Variants in OXR1 observed in about 807,000 individuals in gnomAD.
OXR1 encodes oxidation resistance 1.
OXR1 carries 41 observed loss-of-function variants against 104.6 expected under a neutral mutation model. That is an observed-to-expected ratio of 0.39 (90% CI 0.31 to 0.51). The LOEUF is 0.51. Ranked by LOEUF, OXR1 falls within the 20% of genes least tolerant of loss-of-function variation. The pLI, the probability that OXR1 is intolerant of heterozygous loss-of-function variation, is 0.77. For synonymous variants in OXR1, 348 were observed against 348.4 expected, an observed-to-expected ratio of 1.00 and a Z score of 0.01; for missense variants, 955 against 1,031.9, an observed-to-expected ratio of 0.93 and a Z score of 1.02.
At chr8:106,603,652 G>T (rs1820136915) in intron 3 of OXR1, among the ~76,000 whole-genome samples, 1 of 152,058 alleles carries the variant, frequency 6.6e-6, no homozygotes, top group Non-Finnish European at 1.5e-5. Flanking sequence ...CTTTTAATAT[G>T]GAACGTGTAA....
intron 2 of OXR1, among the ~76,000 whole-genome samples, chr8:106,396,443 A>C (rs1179986630): frequency 6.6e-6 from 1 of 152,050 alleles, no homozygotes; most frequent in East Asian, 1.9e-4. Flanking sequence ...GTCCTAGTCT[A>C]ATTATGAGAA....
intron 6 of OXR1, among the ~76,000 whole-genome samples, chr8:106,692,255 G>C (rs1401646950): frequency 6.6e-6 from 1 of 151,978 alleles, no homozygotes; most frequent in Admixed American, 6.6e-5. Flanking sequence ...GGCTATTCCA[G>C]TGAATGGGTT....
chr8:106,343,366 G>A (rs73701146), intron 1 of OXR1, among the ~76,000 whole-genome samples: 4,826 of 152,280 alleles, frequency 0.032, 94 homozygotes, highest in South Asian at 0.11. Flanking sequence ...TGGAACTAAT[G>A]GCAACTGAAT....
chr8:106,341,387 C>CTATATATATATATATATATA, intron 1 of OXR1, among the ~76,000 whole-genome samples: 1 of 101,832 alleles, frequency 9.8e-6, no homozygotes, highest in African/African-American at 5.8e-5. Context: ...ATTAGTCAAT[C>CTATATATATATATATATATA]TACATATATA....
At chr8:106,404,441 T>C (rs1818131154) in intron 2 of OXR1, among the ~76,000 whole-genome samples, 1 of 152,208 alleles carries the variant, frequency 6.6e-6, no homozygotes. Flanking sequence ...TGTGTTATAA[T>C]TCAGCCAGCT....
intron 3 of OXR1, among the ~76,000 whole-genome samples, chr8:106,562,303 G>T (rs1159448311): frequency 6.6e-6 from 1 of 151,896 alleles, no homozygotes; most frequent in Non-Finnish European, 1.5e-5. Context: ...CTGAAAAACA[G>T]CACAAGAACT....
intron 2 of OXR1, among the ~76,000 whole-genome samples, chr8:106,493,183 G>A (rs927535541): frequency 1.8e-4 from 27 of 152,278 alleles, no homozygotes; most frequent in African/African-American, 6.5e-4. Flanking sequence ...AAGCAATGTT[G>A]CAACTATATT....
chr8:106,301,468 T>G (rs936116669), intron 1 of OXR1, among the ~76,000 whole-genome samples: 2 of 152,212 alleles, frequency 1.3e-5, no homozygotes, highest in African/African-American at 4.8e-5. Flanking sequence ...TCAGTCAGGT[T>G]TTGAACTTCA....
At chr8:106,275,821 A>G (rs1812015296) in intron 1 of OXR1, among the ~76,000 whole-genome samples, 1 of 152,222 alleles carries the variant, frequency 6.6e-6, no homozygotes, top group Non-Finnish European at 1.5e-5. Context: ...AGATTTTGAA[A>G]TTTATGCTGT....
chr8:106,328,205 T>C lies in OXR1; in HGVS notation c.-138-31271T>C, dbSNP rs115048061. Among the ~76,000 whole-genome samples, 502 of 152,308 alleles carry C rather than the reference T, an allele frequency of 3.3e-3. 3 individuals are homozygous for C. The highest frequency in any genetic ancestry group is 0.012 in the African/African-American group (484 of 41,564). On this transcript the variant is annotated intron_variant, in intron 1 of 16. Transcript: ENST00000517566. ...TATTATTTGGCCACAAGGGCTATAT[T>C]TGGCCATTCTTAGCCATGAGAACAC... is the stretch of plus-strand genomic sequence containing the variant.
intron 9 of OXR1, chr8:106,707,482 T>C (rs1015563953): frequency 2.2e-6 from 1 of 456,764 alleles, no homozygotes; most frequent in Non-Finnish European, 3.8e-6. Context: ...TTAAAAAGTT[T>C]TTGGTGTGTT....
chr8:106,367,846 C>T lies in OXR1; in HGVS notation c.23+8210C>T, dbSNP rs1240632624. Among the ~76,000 whole-genome samples the T allele has an allele frequency of 2.0e-5, 3 of 151,722 alleles. No individual in the cohort carries two copies. In the East Asian group the frequency reaches 5.8e-4, roughly 29 times the overall value. ...GAACTATACAACTTTTAGAGGAAAACCATTTCAGGCAGAGAAACAGAAAGG... is the reference window on the plus strand; with the variant it reads ...GAACTATACAACTTTTAGAGGAAAATCATTTCAGGCAGAGAAACAGAAAGG... On this transcript the variant is annotated intron_variant, in intron 2 of 16. Transcript: ENST00000517566.
At chr8:106,718,631 A>T (rs1832504096) in intron 11 of OXR1, among the ~76,000 whole-genome samples, 2 of 152,012 alleles carry the variant, frequency 1.3e-5, no homozygotes, top group South Asian at 4.2e-4. Context: ...CGAGGTCAGG[A>T]GATCGAGACC....
chr8:106,736,204 G>A (rs1354192619), intron 11 of OXR1, among the ~76,000 whole-genome samples: 1 of 143,708 alleles, frequency 7.0e-6, no homozygotes, highest in Non-Finnish European at 1.5e-5. Context: ...GAGAATAACA[G>A]CTTCTGGTTT....
rs904934017 is a variant in OXR1 at position 106,692,774 on chromosome 8, C to G, written c.572C>G (p.Thr191Ser). 6.3e-7 allele frequency: 1 copy of G among 1,587,270 alleles called. No homozygotes were observed. The change falls in exon 7 of 17, where the codon ACT becomes AGT. Residue 191 changes from threonine to serine, a missense_variant. Around this residue, in one of 2 missense-constraint regions of OXR1, gnomAD observed 849 missense variants for 852.9 expected, o/e 1.00. Transcript: ENST00000517566. ...PTEATPSSTF[T>S]GIRPARVVSS... ...GAAGCAACTCCCTCATCTACTTTCA[C>G]TGGTATTCGACCTGCACGAGTTGTA... is the stretch of plus-strand genomic sequence containing the variant.
intron 3 of OXR1, among the ~76,000 whole-genome samples, chr8:106,592,839 C>T (rs1263112929): frequency 6.6e-6 from 1 of 152,144 alleles, no homozygotes; most frequent in African/African-American, 2.4e-5. Flanking sequence ...AAGGAGCTCA[C>T]TCTGGATGTT....
At chr8:106,665,290 G>A (rs1826168812) in intron 3 of OXR1, among the ~76,000 whole-genome samples, 1 of 152,078 alleles carries the variant, frequency 6.6e-6, no homozygotes, top group African/African-American at 2.4e-5. Flanking sequence ...TTTGGATGTG[G>A]GAGGGAACTG....
At chr8:106,479,836 AC>A (rs1484048446) in intron 2 of OXR1, among the ~76,000 whole-genome samples, 1 of 151,990 alleles carries the variant, frequency 6.6e-6, no homozygotes, top group East Asian at 1.9e-4. Context: ...AAAGATTTGG[AC>A]TTTATAATTT....
chr8:106,316,440 T>C (rs1813941948), intron 1 of OXR1, among the ~76,000 whole-genome samples: 1 of 152,130 alleles, frequency 6.6e-6, no homozygotes, highest in Non-Finnish European at 1.5e-5. Flanking sequence ...TCCTACCTCA[T>C]TACATTTTGC....
Sources: gnomAD v4.1 joint callset for allele counts (sites outside exome capture counted in the v4.1 genomes callset) on GRCh38, gnomAD v4.1.1 for gene constraint, gnomAD v4.1.1 regional missense constraint, MANE v1.5 for transcripts, NCBI Gene and HGNC (gene_info 2026-07-23, HGNC 2026-07-21) for gene names.